DLC1: variants seen among roughly 807,000 people sequenced by gnomAD.
The protein encoded by DLC1 is DLC1 Rho GTPase activating protein.
In DLC1, 54 loss-of-function variants were observed where a neutral mutation model predicts 140.3. The observed-to-expected ratio is 0.38, with a 90% CI of 0.31 to 0.48. The LOEUF is 0.48. Ranked by LOEUF, DLC1 falls within the 20% of genes least tolerant of loss-of-function variation. The pLI is 0.96. For synonymous variants in DLC1, 986 were observed against 728.1 expected, an observed-to-expected ratio of 1.35 and a Z score of -5.70; for missense variants, 2,536 against 1,907.0, an observed-to-expected ratio of 1.33 and a Z score of -6.14.
intron 5 of DLC1, among the ~76,000 whole-genome samples, chr8:13,147,172 A>G (rs1823497018): frequency 6.6e-6 from 1 of 152,210 alleles, no homozygotes; most frequent in South Asian, 2.1e-4. Flanking sequence ...TATCATTTAG[A>G]TTCTTCCTTA....
In DLC1 at chr8:13,110,880, T is replaced by C. The variant is rs1009725988; in HGVS notation, c.1421-57A>G. 23 of 1,506,842 alleles carry C rather than the reference T, an allele frequency of 1.5e-5. No individual in the cohort carries two copies. The Admixed American group carries it at 3.0e-4, about 20-fold the overall frequency. The allele number at this position is 1,506,842 out of a possible 1,614,324, so 93.3% of individuals were successfully genotyped here. On this transcript the variant is annotated intron_variant, in intron 6 of 17. Transcript: ENST00000276297. Reference sequence around the variant, plus strand: ...AGCGCCTAAAACCCAATTTGCCAAATAGCCCAGTTTACCAAAGCAGGGATA... The same window carrying C: ...AGCGCCTAAAACCCAATTTGCCAAACAGCCCAGTTTACCAAAGCAGGGATA...
chr8:13,403,926 TG>T (rs1485611779), intron 2 of DLC1, among the ~76,000 whole-genome samples: 1 of 151,280 alleles, frequency 6.6e-6, no homozygotes, highest in Non-Finnish European at 1.5e-5. Flanking sequence ...CCCAAAGTGC[TG>T]GGATTACAGG....
At chr8:13,141,374 A>C (rs1279395850) in intron 5 of DLC1, among the ~76,000 whole-genome samples, 1 of 151,176 alleles carries the variant, frequency 6.6e-6, no homozygotes, top group Non-Finnish European at 1.5e-5. Context: ...CAATATATGT[A>C]TGTGTGCAGA....
chr8:13,487,398 A>G (rs564929357), intron 2 of DLC1, among the ~76,000 whole-genome samples: 105 of 152,284 alleles, frequency 6.9e-4, no homozygotes, highest in African/African-American at 2.5e-3. Context: ...CTAAATTGAC[A>G]TTCAGTCTCA....
chr8:13,569,289 C>T lies in DLC1; in HGVS notation c.-126+35248G>A, dbSNP rs2117406746. 2.0e-5 allele frequency among the ~76,000 whole-genome samples: 3 copies of T among 152,192 alleles called. No individual in the cohort carries two copies. In the South Asian group the frequency reaches 6.2e-4, roughly 32 times the overall value. ...AAAGAAATTTGTTTGCAAAAATCAG[C>T]ACAGAAGAGTTTTAGTATTGTACTT... On this transcript the variant is annotated intron_variant, in intron 1 of 1. Coordinates refer to the DLC1 transcript ENST00000631382.
chr8:13,459,236 C>G (rs940770256), intron 2 of DLC1, among the ~76,000 whole-genome samples: 2 of 152,044 alleles, frequency 1.3e-5, no homozygotes, highest in African/African-American at 2.4e-5. Context: ...CTGTGTTTTT[C>G]TGATTTCTTC....
intron 5 of DLC1, among the ~76,000 whole-genome samples, chr8:13,117,564 T>C (rs1239156116): frequency 6.6e-6 from 1 of 152,260 alleles, no homozygotes; most frequent in Non-Finnish European, 1.5e-5. Flanking sequence ...GAAAAAAGGC[T>C]GTTTGTCTTT....
intron 5 of DLC1, among the ~76,000 whole-genome samples, chr8:13,247,509 T>C (rs927405078): frequency 1.3e-5 from 2 of 152,198 alleles, no homozygotes; most frequent in Non-Finnish European, 2.9e-5. Flanking sequence ...GATGTATTCA[T>C]ATCCTTTCCA....
At chr8:13,222,114 A>C (rs1382578921) in intron 5 of DLC1, among the ~76,000 whole-genome samples, 1 of 151,638 alleles carries the variant, frequency 6.6e-6, no homozygotes, top group Non-Finnish European at 1.5e-5. Flanking sequence ...TGTATTTGGC[A>C]AACTTTGGTG....
chr8:13,305,458 G>C (rs180959037), intron 4 of DLC1, among the ~76,000 whole-genome samples, 156 bp from the exon 5 acceptor site: 1 of 152,280 alleles, frequency 6.6e-6, no homozygotes. Context: ...AATCACTAGA[G>C]CTGTCTTTGA....
intron 2 of DLC1, among the ~76,000 whole-genome samples, chr8:13,476,617 A>G (rs1800447045): frequency 6.6e-6 from 1 of 152,180 alleles, no homozygotes; most frequent in African/African-American, 2.4e-5. Flanking sequence ...ACCAGAATGA[A>G]TAGAAAGGAA....
intron 4 of DLC1, among the ~76,000 whole-genome samples, chr8:13,383,749 A>T (rs289511): frequency 0.72 from 109,356 of 152,090 alleles, 39,670 homozygotes; most frequent in East Asian, 0.95. Context: ...GAGAATGCTC[A>T]AGCATTCCCA....
chr8:13,091,247 G>C (rs1818044288), intron 14 of DLC1, 71 bp downstream of exon 14: 7 of 1,478,314 alleles, frequency 4.7e-6, no homozygotes, highest in Non-Finnish European at 5.6e-6. Context: ...ACATGAACAA[G>C]GGTCAAGCCT....
At chr8:13,221,379 T>A (rs953041388) in intron 5 of DLC1, among the ~76,000 whole-genome samples, 1 of 151,722 alleles carries the variant, frequency 6.6e-6, no homozygotes, top group Non-Finnish European at 1.5e-5. Flanking sequence ...CTTTTTTTTT[T>A]TTTTGTTTTG....
intron 2 of DLC1, among the ~76,000 whole-genome samples, chr8:13,445,401 GCA>G (rs1224987838): frequency 6.6e-6 from 1 of 152,178 alleles, no homozygotes; most frequent in Non-Finnish European, 1.5e-5. Flanking sequence ...AGAGAGAAAA[GCA>G]CAGATACATA....
In DLC1 at chr8:13,098,670, C is replaced by T. The variant is rs985328155; in HGVS notation, c.2991-95G>A. 13 of 1,325,936 alleles carry T rather than the reference C, an allele frequency of 9.8e-6. No individual in the cohort carries two copies. In the East Asian group the frequency reaches 2.6e-4, roughly 26 times the overall value. The allele number at this position is 1,325,936 out of a possible 1,614,324, so 82.1% of individuals were successfully genotyped here. A position where few individuals can be genotyped will look rare whatever the true frequency, so the allele number is the denominator to read the frequency against. The stretch of plus-strand genomic sequence containing the variant: ...TTGCTCTGTTGCCCAGGCTGGAGTG[C>T]AGTGGTGCCATCACAGCTCACTGCA... On this transcript the variant is annotated intron_variant, in intron 9 of 17. Coordinates refer to ENST00000276297, the MANE Select transcript of DLC1 (RefSeq NM_182643.3).
intron 5 of DLC1, among the ~76,000 whole-genome samples, chr8:13,288,634 G>A (rs1281097202): frequency 6.6e-6 from 1 of 152,200 alleles, no homozygotes; most frequent in Non-Finnish European, 1.5e-5. Context: ...TTGCTCAGCA[G>A]GCTATCAGCA....
intron 1 of DLC1, among the ~76,000 whole-genome samples, chr8:13,568,633 A>C (rs1440444105): frequency 1.3e-5 from 2 of 152,198 alleles, no homozygotes; most frequent in African/African-American, 4.8e-5. Flanking sequence ...GAGAAATGCC[A>C]ATTAATGGCT....
At chr8:13,272,043 T>C (rs1469613534) in intron 5 of DLC1, among the ~76,000 whole-genome samples, 1 of 152,216 alleles carries the variant, frequency 6.6e-6, no homozygotes, top group Admixed American at 6.5e-5. Context: ...ATTTAGACTT[T>C]TTCCCTTATA....
Sources: gnomAD v4.1 joint callset for allele counts (sites outside exome capture counted in the v4.1 genomes callset) on GRCh38, gnomAD v4.1.1 for gene constraint, MANE v1.5 for transcripts, NCBI Gene and HGNC (gene_info 2026-07-23, HGNC 2026-07-21) for gene names.